The following P2RY12 variants were observed in gnomAD, a reference collection of about 807,000 sequenced individuals.
P2RY12 encodes the protein P2Y purinoceptor 12.
A neutral mutation model predicts 4.5 loss-of-function variants in P2RY12; 3 were observed. The ratio of observed to expected loss-of-function variants is 0.67; its 90% confidence interval spans 0.31 to 1.74. The LOEUF (loss-of-function observed/expected upper bound fraction) is 1.74. P2RY12 is among the 40% of genes most tolerant of loss of function. The pLI is 0.09. For synonymous variants in P2RY12, 148 were observed against 154.1 expected (o/e 0.96, Z 0.29); for missense variants, 356 against 407.8 (o/e 0.87, Z 1.09).
Position 151,337,496 on chromosome 3 carries a change from A to C in P2RY12, c.*321T>G, listed in dbSNP as rs1224562820. 2 of 251,620 alleles carry C rather than the reference A, an allele frequency of 7.9e-6. No individual in the cohort carries two copies. Among genetic ancestry groups the C allele is most frequent in the Non-Finnish European group, 1.5e-5 (2 of 129,582 alleles). 15.6% of individuals were successfully genotyped at this position (251,620 alleles called of 1,614,324 possible). A position where few individuals can be genotyped will look rare whatever the true frequency, so the allele number is the denominator to read the frequency against. On this transcript the variant is annotated 3_prime_UTR_variant, in exon 3 of 3. Transcript: ENST00000302632. ...ATTGTGAACGATAATGTATTTTAAA[A>C]ATTACAGTAAATATTATATGATTAC...
rs1286345046 is a variant in P2RY12 at position 151,384,208 on chromosome 3, A to G, written c.-180+484T>C. 6.2e-7 allele frequency: 1 copy of G among 1,604,580 alleles called. No homozygotes were observed. Among genetic ancestry groups the G allele is most frequent in the African/African-American group, 1.3e-5 (1 of 74,490 alleles). Reference sequence around the variant, plus strand: ...AAGCGTGCATACATGAATTTAGTAAAGAAACTGAAAGTAAGTTTGAGATCA... The same window carrying G: ...AAGCGTGCATACATGAATTTAGTAAGGAAACTGAAAGTAAGTTTGAGATCA... On this transcript the variant is annotated intron_variant, in intron 1 of 2. Transcript: ENST00000302632.
At chr3:151,362,030 A>G (rs1268285796) in intron 1 of P2RY12, among the ~76,000 whole-genome samples, 2 of 151,988 alleles carry the variant, frequency 1.3e-5, no homozygotes, top group Non-Finnish European at 2.9e-5. Context: ...AAGGATGTTC[A>G]ACTACCATTT....
intron 1 of P2RY12, among the ~76,000 whole-genome samples, chr3:151,341,472 A>T (rs1292809416): frequency 1.3e-5 from 2 of 152,050 alleles, no homozygotes; most frequent in Non-Finnish European, 2.9e-5. Flanking sequence ...GCATCCTTGT[A>T]TCACAATTAT....
intron 1 of P2RY12, among the ~76,000 whole-genome samples, chr3:151,368,457 A>T (rs1313841791): frequency 6.6e-6 from 1 of 152,060 alleles, no homozygotes; most frequent in Non-Finnish European, 1.5e-5. Flanking sequence ...GAGAAATACG[A>T]ATCAAGAGTT....
At chr3:151,370,507 C>T (rs1461168381) in intron 1 of P2RY12, among the ~76,000 whole-genome samples, 4 of 152,166 alleles carry the variant, frequency 2.6e-5, no homozygotes, top group Admixed American at 1.3e-4. Context: ...GATACACACA[C>T]GGGCCTGTGA....
At chr3:151,380,435 AAAAATACAAAAATTAGCCGG>A (rs1455169520) in intron 1 of P2RY12, among the ~76,000 whole-genome samples, 6 of 152,194 alleles carry the variant, frequency 3.9e-5, no homozygotes, top group Middle Eastern at 3.4e-3. Context: ...CGTCTGTACT[AAAAATACAAAAATTAGCCGG>A]GCATGATGGT....
At chr3:151,368,735 A>C (rs1755775231) in intron 1 of P2RY12, among the ~76,000 whole-genome samples, 1 of 62,102 alleles carries the variant, frequency 1.6e-5, no homozygotes, top group African/African-American at 7.8e-5. Flanking sequence ...ATTTCATTTC[A>C]TTTCATTTCA....
At chr3:151,343,124 T>G (rs1331109244) in intron 1 of P2RY12, among the ~76,000 whole-genome samples, 1 of 152,198 alleles carries the variant, frequency 6.6e-6, no homozygotes, top group Non-Finnish European at 1.5e-5. Flanking sequence ...GAATCTCGTG[T>G]GGGATGGTTG....
chr3:151,380,347 A>G (rs1712036149), intron 1 of P2RY12: 2 of 629,346 alleles, frequency 3.2e-6, no homozygotes, highest in Admixed American at 7.4e-5. Context: ...CTGTAATCCC[A>G]GCACTTTGGG....
At position 151,338,103 on chromosome 3, in the gene P2RY12, C is replaced by T; in HGVS notation, c.743G>A (p.Cys248Tyr). 2 of 1,613,990 alleles carry T rather than the reference C, an allele frequency of 1.2e-6. No individual in the cohort carries two copies. The highest frequency in any genetic ancestry group is 1.7e-6 in the Non-Finnish European group (2 of 1,179,960). The part of the protein sequence containing the change: ...VFIIIAVFFI[C>Y]FVPFHFARIP... Reference sequence around the variant, plus strand: ...TCGGGCAAAATGGAAAGGAACAAAACAAATAAAGAATACAGCAATGATAAT... The same window carrying T: ...TCGGGCAAAATGGAAAGGAACAAAATAAATAAAGAATACAGCAATGATAAT... The change falls in exon 3 of 3, where the codon TGT becomes TAT. Residue 248 changes from cysteine to tyrosine, a missense_variant. Cys to Tyr is a radical substitution (Grantham distance 194). Coordinates refer to ENST00000302632, the MANE Select transcript of P2RY12 (RefSeq NM_022788.5).
chr3:151,379,135 T>A (rs1231653791), intron 1 of P2RY12, among the ~76,000 whole-genome samples: 1 of 152,230 alleles, frequency 6.6e-6, no homozygotes, highest in Non-Finnish European at 1.5e-5. Flanking sequence ...TTGTTTTACA[T>A]CTGGTTGTTT....
intron 1 of P2RY12, among the ~76,000 whole-genome samples, chr3:151,358,017 T>A (rs1235384014): frequency 6.6e-6 from 1 of 152,156 alleles, no homozygotes; most frequent in African/African-American, 2.4e-5. Context: ...GCTTTTTATT[T>A]AAACACAGAA....
Position 151,337,394 on chromosome 3 carries a change from A to G in P2RY12, c.*423T>C, listed in dbSNP as rs183755261. 1 of 186,458 alleles carries G rather than the reference A, an allele frequency of 5.4e-6. No homozygotes were observed. The highest frequency in any genetic ancestry group is 5.5e-5 in the Admixed American group (1 of 18,204). 11.6% of individuals were successfully genotyped at this position (186,458 alleles called of 1,614,324 possible). Reference sequence around the variant, plus strand: ...TTGGTTAGGGGACTAGGATATATATACATTTTAACTATCATTTTTGGTAAG... The same window carrying G: ...TTGGTTAGGGGACTAGGATATATATGCATTTTAACTATCATTTTTGGTAAG... On this transcript the variant is annotated 3_prime_UTR_variant, in exon 3 of 3. Coordinates refer to ENST00000302632, the MANE Select transcript of P2RY12 (RefSeq NM_022788.5).
intron 1 of P2RY12, among the ~76,000 whole-genome samples, chr3:151,361,293 G>A (rs1183269278): frequency 6.6e-6 from 1 of 151,932 alleles, no homozygotes; most frequent in Non-Finnish European, 1.5e-5. Flanking sequence ...GTGTTAATGA[G>A]TTTTTTTAAA....
chr3:151,352,931 TGAG>T (rs1318990443), intron 1 of P2RY12, among the ~76,000 whole-genome samples: 5 of 152,146 alleles, frequency 3.3e-5, no homozygotes, highest in Non-Finnish European at 7.4e-5. Flanking sequence ...ATAAGAAAGA[TGAG>T]GAAAAATATA....
intron 1 of P2RY12, among the ~76,000 whole-genome samples, chr3:151,354,714 A>G (rs1165343130): frequency 1.3e-5 from 2 of 152,252 alleles, no homozygotes; most frequent in African/African-American, 4.8e-5. Flanking sequence ...GGAATACTGT[A>G]AATAAGTGAG....
rs778942914 is a variant in P2RY12, at chr3:151,360,644, TG to T, written c.-179-19885del. ...ACTCAAAAGGACAGAAATAGGATCA[TG>T]CCTATGTTTGTTAGTGACCCTGACA... On this transcript the variant is annotated intron_variant, in intron 1 of 2. Transcript: ENST00000302632. 1.9e-6 allele frequency: 3 copies of T among 1,566,102 alleles called. No homozygotes were observed. In the Admixed American group the frequency reaches 5.8e-5, roughly 30 times the overall value.
At position 151,345,284 on chromosome 3, in the gene P2RY12, T is replaced by A. The variant is rs955710273; in HGVS notation, c.-179-4524A>T. Among the ~76,000 whole-genome samples the A allele has an allele frequency of 9.8e-5, 15 of 152,292 alleles. No individual in the cohort carries two copies. In the South Asian group the frequency reaches 3.1e-3, roughly 32 times the overall value. On this transcript the variant is annotated intron_variant, in intron 1 of 2. Transcript: ENST00000302632. Reference sequence around the variant, plus strand: ...ACTCTCCAGTTGATGCTTTTCCTTGTCCAACAACTGTATCCTTGAGGGAAT... The same window carrying A: ...ACTCTCCAGTTGATGCTTTTCCTTGACCAACAACTGTATCCTTGAGGGAAT...
At chr3:151,363,926 A>G (rs955210790) in intron 1 of P2RY12, among the ~76,000 whole-genome samples, 2 of 152,178 alleles carry the variant, frequency 1.3e-5, no homozygotes, top group African/African-American at 4.8e-5. Context: ...AGTTTAGAAT[A>G]GAGAGTCTTT....
Sources: allele counts gnomAD v4.1 joint callset (sites outside exome capture counted in the v4.1 genomes callset), GRCh38; gene constraint gnomAD v4.1.1; transcripts MANE v1.5; gene names NCBI Gene and HGNC (gene_info 2026-07-23, HGNC 2026-07-21).